Variants in TLN2 observed in about 807,000 individuals in gnomAD.
TLN2 encodes the protein talin 2.
Under a neutral mutation model 294.7 loss-of-function variants are expected in TLN2, and 118 were observed. The ratio of observed to expected loss-of-function variants is 0.40; its 90% CI spans 0.34 to 0.47. TLN2 has a LOEUF of 0.47. Ranked by LOEUF, TLN2 falls within the 20% of genes least tolerant of loss-of-function variation. TLN2 has a pLI of 0.84. For synonymous variants in TLN2, 1,431 were observed against 1,304.5 expected (o/e 1.10, Z -2.09); for missense variants, 3,083 against 3,282.2 (o/e 0.94, Z 1.48).
intron 54 of TLN2, 105 bp downstream of exon 54, chr15:62,820,715 T>C (rs1326337298): frequency 2.1e-6 from 3 of 1,441,172 alleles, no homozygotes; most frequent in Non-Finnish European, 9.3e-7. Context: ...TCCTTCCTTA[T>C]GGTCAGACTA....
At chr15:62,411,731 T>C (rs1280075901) in intron 1 of TLN2, among the ~76,000 whole-genome samples, 1 of 152,154 alleles carries the variant, frequency 6.6e-6, no homozygotes, top group Non-Finnish European at 1.5e-5. Flanking sequence ...TAGGCCCTAC[T>C]GACATGGTAA....
chr15:62,461,932 G>A (rs1490046626), intron 1 of TLN2, among the ~76,000 whole-genome samples: 1 of 152,184 alleles, frequency 6.6e-6, no homozygotes, highest in Admixed American at 6.5e-5. Flanking sequence ...AGGAAGGGCT[G>A]TATCTGTCTG....
chr15:62,786,423 C>G (rs972815713), intron 45 of TLN2, among the ~76,000 whole-genome samples: 3 of 152,078 alleles, frequency 2.0e-5, no homozygotes, highest in Non-Finnish European at 4.4e-5. Context: ...AAAATTCAAG[C>G]CTTTGTTAAC....
At chr15:62,397,192 A>G (rs976501927) in intron 1 of TLN2, among the ~76,000 whole-genome samples, 8 of 152,198 alleles carry the variant, frequency 5.3e-5, no homozygotes, top group Non-Finnish European at 1.0e-4. Flanking sequence ...TGATAGAATG[A>G]TGAGTTTTTG....
intron 1 of TLN2, among the ~76,000 whole-genome samples, chr15:62,491,333 AAAAAATAT>A (rs1385013918): frequency 1.5e-5 from 1 of 67,498 alleles, no homozygotes; most frequent in African/African-American, 6.1e-5. Flanking sequence ...TCTCAAAAAA[AAAAAATAT>A]ATATATATAT....
chr15:62,598,700 A>G (rs1036937254), intron 2 of TLN2, among the ~76,000 whole-genome samples: 12 of 151,814 alleles, frequency 7.9e-5, no homozygotes, highest in African/African-American at 2.7e-4. Context: ...ATTTAGAAAG[A>G]TAATCAACTT....
intron 1 of TLN2, among the ~76,000 whole-genome samples, chr15:62,395,098 G>A (rs893370767): frequency 2.6e-5 from 4 of 151,650 alleles, no homozygotes; most frequent in Admixed American, 2.6e-4. Context: ...CTCATTCAGT[G>A]TATGTTTTTG....
chr15:62,493,297 G>A (rs1002296990), intron 1 of TLN2, among the ~76,000 whole-genome samples: 2 of 152,134 alleles, frequency 1.3e-5, no homozygotes, highest in Non-Finnish European at 2.9e-5. Flanking sequence ...CCACCTAATG[G>A]CACTGACTAC....
Position 62,787,367 on chromosome 15 carries a change from G to A in TLN2, c.5736+3477G>A, listed in dbSNP as rs766821470. ...TGTGTTTGAGGCAGTGAGGAAAGGC[G>A]ATCAGGATTCCTTAGACCCCCTCCA... On this transcript the variant is annotated intron_variant, in intron 45 of 58. Transcript: ENST00000636159. Among the ~76,000 whole-genome samples, 6 of 152,106 alleles carry A rather than the reference G, an allele frequency of 3.9e-5. No individual in the cohort carries two copies. In the East Asian group the frequency reaches 5.8e-4, roughly 15 times the overall value.
chr15:62,564,905 C>CAAAA (rs60087745), intron 1 of TLN2, among the ~76,000 whole-genome samples: 2 of 112,834 alleles, frequency 1.8e-5, no homozygotes, highest in African/African-American at 7.2e-5. Flanking sequence ...AACTCCATCT[C>CAAAA]AAAAAAAAAA....
chr15:62,439,392 AC>A, intron 1 of TLN2, among the ~76,000 whole-genome samples: 1 of 151,890 alleles, frequency 6.6e-6, no homozygotes, highest in South Asian at 2.1e-4. Context: ...AGCTCACTGC[AC>A]CCTCCGCCTC....
intron 19 of TLN2, among the ~76,000 whole-genome samples, chr15:62,706,670 A>C (rs951486358): frequency 6.6e-6 from 1 of 152,210 alleles, no homozygotes; most frequent in Non-Finnish European, 1.5e-5. Context: ...GGGCATGATG[A>C]CTGGAGGCCA....
At chr15:62,595,531 A>G (rs1402365716) in intron 2 of TLN2, among the ~76,000 whole-genome samples, 1 of 151,370 alleles carries the variant, frequency 6.6e-6, no homozygotes, top group African/African-American at 2.5e-5. Context: ...TGGAAAACAG[A>G]TTAGAGACTC....
chr15:62,746,416 TAGAG>T (rs1331678011), intron 32 of TLN2, among the ~76,000 whole-genome samples: 1 of 152,166 alleles, frequency 6.6e-6, no homozygotes, highest in Non-Finnish European at 1.5e-5. Context: ...CTTTGCACCA[TAGAG>T]AGCGCAGTGT....
intron 1 of TLN2, among the ~76,000 whole-genome samples, chr15:62,579,642 G>T (rs1339987591): frequency 2.6e-5 from 4 of 152,230 alleles, no homozygotes; most frequent in South Asian, 4.2e-4. Flanking sequence ...AGTATTCATA[G>T]GAACGTGTCC....
intron 1 of TLN2, among the ~76,000 whole-genome samples, chr15:62,397,165 T>C (rs1335789152): frequency 2.6e-5 from 4 of 152,242 alleles, no homozygotes; most frequent in Admixed American, 2.6e-4. Flanking sequence ...AGCCTCCTAA[T>C]GTGATTTTTG....
intron 1 of TLN2, among the ~76,000 whole-genome samples, chr15:62,572,813 G>A (rs115814124): frequency 1.3e-3 from 194 of 151,498 alleles, no homozygotes; most frequent in African/African-American, 4.5e-3. Flanking sequence ...CAGGATCTGT[G>A]GGCACCTGAC....
At chr15:62,395,222 C>A (rs1481984918) in intron 1 of TLN2, among the ~76,000 whole-genome samples, 3 of 35,982 alleles carry the variant, frequency 8.3e-5, no homozygotes, top group Non-Finnish European at 1.6e-4. Flanking sequence ...GTAGCCAGGG[C>A]GGGGGTGGGG....
intron 32 of TLN2, among the ~76,000 whole-genome samples, chr15:62,744,055 T>A (rs145515347): frequency 4.1e-4 from 63 of 152,320 alleles, no homozygotes; most frequent in African/African-American, 1.4e-3. Context: ...AAGAGACCTT[T>A]GCTCTCTGTG....
Sources: gnomAD v4.1 joint callset for allele counts (sites outside exome capture counted in the v4.1 genomes callset) on GRCh38, gnomAD v4.1.1 for gene constraint, MANE v1.5 for transcripts, NCBI Gene and HGNC (gene_info 2026-07-23, HGNC 2026-07-21) for gene names.